Variants in CREBL2 observed in about 807,000 individuals in gnomAD.
CREBL2 encodes cAMP-responsive element-binding protein-like 2.
Under a neutral mutation model 19.5 loss-of-function variants are expected in CREBL2, and 4 were observed. The observed-to-expected ratio is 0.20, with a 90% CI of 0.10 to 0.47. The LOEUF (loss-of-function observed/expected upper bound fraction) is 0.47, where lower values mean the gene tolerates loss of function less well. Among genes scored for constraint, CREBL2 ranks in the 20% least tolerant of loss-of-function variants. The pLI is 0.98. For missense variants in CREBL2, 85 were observed against 145.1 expected (o/e 0.59, Z 2.13); for synonymous variants, 42 against 46.6 (o/e 0.90, Z 0.40).
At chr12:12,627,022 T>C (rs1945407441) in intron 1 of CREBL2, among the ~76,000 whole-genome samples, 1 of 151,826 alleles carries the variant, frequency 6.6e-6, no homozygotes, top group Admixed American at 6.6e-5. Flanking sequence ...AAAAGTTCAG[T>C]GATTGTCAGG....
chr12:12,615,492 C>A, intron 1 of CREBL2: 1 of 151,694 alleles, frequency 6.6e-6, no homozygotes, highest in African/African-American at 2.4e-5. Context: ...TCTAAAATAT[C>A]AACCTTCTTT....
intron 3 of CREBL2, among the ~76,000 whole-genome samples, chr12:12,641,553 C>T (rs1313015036): frequency 1.3e-5 from 2 of 152,008 alleles, no homozygotes; most frequent in Non-Finnish European, 1.5e-5. Context: ...AGGTAATTCA[C>T]CCGCCTTGGC....
Position 12,617,643 on chromosome 12 carries a change from C to CTTTTTTTTTTTTTTTT in CREBL2, c.15+5479_15+5494dup, listed in dbSNP as rs66943066. ...CCCTGAGATGCTCATTTTAGTAATT[C>CTTTTTTTTTTTTTTTT]TTTTTTTTTTTTTTTTTTTTTTTTT... On this transcript the variant is annotated intron_variant, in intron 1 of 3. Coordinates refer to ENST00000228865, the MANE Select transcript of CREBL2 (RefSeq NM_001310.4). 1.8e-4 allele frequency among the ~76,000 whole-genome samples: 7 copies of CTTTTTTTTTTTTTTTT among 38,762 alleles called. 2 individuals carry two copies. Among genetic ancestry groups the CTTTTTTTTTTTTTTTT allele is most frequent in the East Asian group, 7.2e-4 (1 of 1,392 alleles). The allele number at this position is 38,762 out of a possible 152,430, so 25.4% of individuals were successfully genotyped here.
Position 12,641,253 on chromosome 12 carries a change from A to ATTTTTTTTT in CREBL2, c.359-740_359-732dup, listed in dbSNP as rs142404101. Among the ~76,000 whole-genome samples, 137 of 78,206 alleles carry ATTTTTTTTT rather than the reference A, an allele frequency of 1.8e-3. 5 individuals are homozygous for ATTTTTTTTT. Among genetic ancestry groups the ATTTTTTTTT allele is most frequent in the Non-Finnish European group, 2.5e-3 (101 of 39,908 alleles). The allele number at this position is 78,206 out of a possible 152,430, so 51.3% of individuals were successfully genotyped here. The stretch of plus-strand genomic sequence containing the variant: ...TATTATTATTATTATTATTATTATT[A>ATTTTTTTTT]TTTTTTTTTATTTTTTTTTTTTTTA... On this transcript the variant is annotated intron_variant, in intron 3 of 3. Transcript: ENST00000228865.
rs140899308 is a variant in CREBL2 at position 12,641,555 on chromosome 12, C to T, written c.359-439C>T. ...AACTCCTGACTTCAGGTAATTCACC[C>T]GCCTTGGCCTCCCAAAGTGCTAGGA... On this transcript the variant is annotated intron_variant, in intron 3 of 3. Coordinates refer to ENST00000228865, the MANE Select transcript of CREBL2 (RefSeq NM_001310.4). Among the ~76,000 whole-genome samples the T allele has an allele frequency of 1.9e-3, 294 of 152,096 alleles. 2 individuals carry two copies. Among genetic ancestry groups the T allele is most frequent in the African/African-American group, 6.9e-3 (285 of 41,496 alleles).
chr12:12,630,380 T>C (rs1261766012), intron 1 of CREBL2, among the ~76,000 whole-genome samples: 2 of 152,182 alleles, frequency 1.3e-5, no homozygotes, highest in African/African-American at 4.8e-5. Context: ...TCTAGTTTTT[T>C]TGGCATGCAA....
chr12:12,618,931 C>T (rs1413344108), intron 1 of CREBL2, among the ~76,000 whole-genome samples: 1 of 152,108 alleles, frequency 6.6e-6, no homozygotes, highest in Non-Finnish European at 1.5e-5. Context: ...CCCAGGCACT[C>T]GGCAGGTTGA....
chr12:12,622,212 T>C (rs1236811309), intron 1 of CREBL2, among the ~76,000 whole-genome samples: 2 of 152,244 alleles, frequency 1.3e-5, no homozygotes, highest in African/African-American at 2.4e-5. Flanking sequence ...TAAATCCTGG[T>C]CTTTTTTGAA....
intron 1 of CREBL2, among the ~76,000 whole-genome samples, chr12:12,631,298 TG>T (rs1170635761): frequency 6.6e-6 from 1 of 152,192 alleles, no homozygotes; most frequent in Admixed American, 6.5e-5. Context: ...TTGTTTCCCT[TG>T]GGCTCACTGT....
chr12:12,614,352 AC>A (rs1226350849), intron 1 of CREBL2: 1 of 152,442 alleles, frequency 6.6e-6, no homozygotes, highest in South Asian at 2.1e-4. Flanking sequence ...TGTCTTTTTT[AC>A]CCCTATTATG....
intron 1 of CREBL2, among the ~76,000 whole-genome samples, chr12:12,629,460 GAT>G (rs1945426643): frequency 6.6e-6 from 1 of 152,004 alleles, no homozygotes; most frequent in African/African-American, 2.4e-5. Context: ...TTTGTATATT[GAT>G]CTTGTATCCT....
chr12:12,621,780 G>A (rs1170202170), intron 1 of CREBL2, among the ~76,000 whole-genome samples: 3 of 152,192 alleles, frequency 2.0e-5, no homozygotes, highest in African/African-American at 7.2e-5. Context: ...AATTTTAATA[G>A]GCTTCCCAGT....
At chr12:12,640,064 T>G (rs1204889035) in intron 3 of CREBL2, among the ~76,000 whole-genome samples, 1 of 152,130 alleles carries the variant, frequency 6.6e-6, no homozygotes, top group Non-Finnish European at 1.5e-5. Context: ...GGGTCTATGT[T>G]CAGCAGTGCA....
At chr12:12,613,159 C>T (rs922208001) in intron 1 of CREBL2, among the ~76,000 whole-genome samples, 1 of 152,214 alleles carries the variant, frequency 6.6e-6, no homozygotes, top group East Asian at 1.9e-4. Context: ...CGTGAGCCAC[C>T]GCGCCTGGCC....
intron 1 of CREBL2, among the ~76,000 whole-genome samples, chr12:12,624,139 G>C (rs1049416245): frequency 2.0e-5 from 3 of 152,200 alleles, no homozygotes; most frequent in Non-Finnish European, 4.4e-5. Context: ...GAGTATACTG[G>C]ATATGGTGAC....
chr12:12,622,957 T>A (rs2136301560), intron 1 of CREBL2, among the ~76,000 whole-genome samples: 1 of 152,334 alleles, frequency 6.6e-6, no homozygotes, highest in East Asian at 1.9e-4. Context: ...TTCTCTTAAC[T>A]TTAACAACTT....
chr12:12,632,163 C>T (rs1329087948), intron 1 of CREBL2, among the ~76,000 whole-genome samples: 14 of 141,912 alleles, frequency 9.9e-5, no homozygotes, highest in South Asian at 4.4e-4. Flanking sequence ...CTGCAAGCTC[C>T]GCCTCCCGGG....
intron 1 of CREBL2, among the ~76,000 whole-genome samples, chr12:12,634,306 A>G (rs1468391780): frequency 6.6e-6 from 1 of 152,258 alleles, no homozygotes; most frequent in East Asian, 1.9e-4. Context: ...TTTCAAAGCT[A>G]AACAATGAAG....
chr12:12,618,476 G>A (rs10772582), intron 1 of CREBL2, among the ~76,000 whole-genome samples: 71,727 of 148,494 alleles, frequency 0.48, 19,458 homozygotes, highest in Non-Finnish European at 0.6. Context: ...GACGTTGGGC[G>A]GCCGGGCAGA....
Sources: allele counts gnomAD v4.1 joint callset (sites outside exome capture counted in the v4.1 genomes callset), GRCh38; gene constraint gnomAD v4.1.1; transcripts MANE v1.5; gene names NCBI Gene and HGNC (gene_info 2026-07-23, HGNC 2026-07-21).